The following RASSF5 variants were observed in gnomAD, a reference collection of about 807,000 sequenced individuals.
RASSF5 encodes ras association domain-containing protein 5.
RASSF5 carries 25 observed loss-of-function variants against 40.5 expected under a neutral mutation model. That is an observed-to-expected ratio of 0.62 (90% CI 0.45 to 0.86). RASSF5 has a LOEUF of 0.86. RASSF5 is among the 40% of genes least tolerant of loss of function. The pLI is 0.00. For synonymous variants in RASSF5, 246 were observed against 252.4 expected (o/e 0.97, Z 0.24); for missense variants, 521 against 572.8 (o/e 0.91, Z 0.92).
intron 2 of RASSF5, among the ~76,000 whole-genome samples, chr1:206,557,980 G>A (rs541584455): frequency 7.2e-5 from 11 of 152,316 alleles, no homozygotes; most frequent in African/African-American, 2.6e-4. Flanking sequence ...GTTCACCTGT[G>A]CCTGAGTGCA....
chr1:206,545,356 T>G (rs370627926), intron 2 of RASSF5, among the ~76,000 whole-genome samples: 1,545 of 151,614 alleles, frequency 0.01, 30 homozygotes, highest in African/African-American at 0.036. Flanking sequence ...TTTTTTTTTT[T>G]TTTTTTTTTA....
chr1:206,554,867 G>A (rs1157769377), intron 2 of RASSF5, among the ~76,000 whole-genome samples: 16 of 152,192 alleles, frequency 1.1e-4, no homozygotes, highest in Admixed American at 1.0e-3. Context: ...GTCCCTGCCA[G>A]CACAGTCTCT....
chr1:206,529,215 C>G, intron 1 of RASSF5: 1 of 1,396,850 alleles, frequency 7.2e-7, no homozygotes, highest in Non-Finnish European at 9.9e-7. Context: ...CAAGTACAGA[C>G]CAGAAACAAA....
intron 2 of RASSF5, among the ~76,000 whole-genome samples, chr1:206,563,272 C>T (rs1668197199): frequency 6.6e-6 from 1 of 152,140 alleles, no homozygotes; most frequent in Non-Finnish European, 1.5e-5. Flanking sequence ...TTGTGGTGAG[C>T]ATTTAGCTGT....
chr1:206,585,024 G>T lies in RASSF5; in HGVS notation c.989-156G>T, dbSNP rs574545285. The T allele has an allele frequency of 1.1e-4, 73 of 659,718 alleles. No homozygotes were observed. The South Asian group carries it at 1.2e-3, about 11-fold the overall frequency. The allele number at this position is 659,718 out of a possible 1,614,324, so 40.9% of individuals were successfully genotyped here. On this transcript the variant is annotated intron_variant, in intron 4 of 5. Transcript: ENST00000579436. ...CAGACACCCAAGATAAAAGGTTATT[G>T]CCCTGTTCATTACTGTCATGTTCAT...
intron 2 of RASSF5, among the ~76,000 whole-genome samples, chr1:206,574,218 A>G (rs1364304990): frequency 1.3e-5 from 2 of 152,192 alleles, no homozygotes; most frequent in Non-Finnish European, 2.9e-5. Flanking sequence ...CATGCTGGCA[A>G]CCTGAGGAGT....
chr1:206,549,370 T>C (rs1316739676), intron 2 of RASSF5, among the ~76,000 whole-genome samples: 13 of 152,240 alleles, frequency 8.5e-5, no homozygotes, highest in African/African-American at 3.1e-4. Flanking sequence ...CATATACTTA[T>C]TCAGACATTT....
intron 2 of RASSF5, among the ~76,000 whole-genome samples, chr1:206,553,327 A>G (rs1667896383): frequency 6.6e-6 from 1 of 152,236 alleles, no homozygotes; most frequent in Non-Finnish European, 1.5e-5. Context: ...GGAAGTTGTT[A>G]TGGTACCATG....
intron 2 of RASSF5, among the ~76,000 whole-genome samples, chr1:206,577,529 AT>A (rs1467249488): frequency 6.6e-6 from 1 of 152,190 alleles, no homozygotes; most frequent in Non-Finnish European, 1.5e-5. Context: ...AGGCTTAGAG[AT>A]TATCTGACTT....
At chr1:206,559,474 G>T (rs1668080009) in intron 2 of RASSF5, among the ~76,000 whole-genome samples, 1 of 152,186 alleles carries the variant, frequency 6.6e-6, no homozygotes, top group African/African-American at 2.4e-5. Flanking sequence ...CTTGCTCCAT[G>T]GCCTGAACAG....
At chr1:206,519,457 G>A (rs186384893) in intron 1 of RASSF5, among the ~76,000 whole-genome samples, 253 of 152,282 alleles carry the variant, frequency 1.7e-3, no homozygotes, top group Middle Eastern at 0.014. Flanking sequence ...CTGGTGTGGT[G>A]GGAATGGGAA....
Position 206,507,667 on chromosome 1 carries a change from C to T in RASSF5, c.65C>T (p.Pro22Leu), listed in dbSNP as rs1666489052. Residue 22 changes from proline to leucine, a missense_variant, in exon 1 of 6, where the codon CCG becomes CTG. Physicochemically the swap from Pro to Leu is moderately conservative, Grantham distance 98 (BLOSUM62 -3). Transcript: ENST00000579436. ...CCGCTACTATTGGACCCCGAGCCGC[C>T]GCGCTATCTACAGAGCCTGAGCGGC... Reference protein sequence around the residue: ...PYPLLLDPEPPRYLQSLSGPE... With the variant: ...PYPLLLDPEPLRYLQSLSGPE... The T allele has an allele frequency of 1.3e-6, 2 of 1,526,264 alleles. No homozygotes were observed. The allele number at this position is 1,526,264 out of a possible 1,614,324, so 94.5% of individuals were successfully genotyped here. A position where few individuals can be genotyped will look rare whatever the true frequency, so the allele number is the denominator to read the frequency against.
intron 1 of RASSF5, among the ~76,000 whole-genome samples, chr1:206,523,502 T>TACAA (rs1553396457): frequency 3.9e-4 from 7 of 18,020 alleles, no homozygotes; most frequent in South Asian, 7.9e-3. Flanking sequence ...ATATTATATA[T>TACAA]TTTATATATT....
At chr1:206,568,064 C>A (rs146579848) in intron 2 of RASSF5, among the ~76,000 whole-genome samples, 27 of 152,244 alleles carry the variant, frequency 1.8e-4, no homozygotes, top group Non-Finnish European at 2.9e-4. Context: ...CTTGACCTCA[C>A]AAAGGATGCC....
chr1:206,576,554 G>A (rs1668666071), intron 2 of RASSF5, among the ~76,000 whole-genome samples: 1 of 152,214 alleles, frequency 6.6e-6, no homozygotes, highest in South Asian at 2.1e-4. Context: ...GGAAACATAG[G>A]AAGTATGATT....
At chr1:206,553,372 A>G (rs1553401286) in intron 2 of RASSF5, among the ~76,000 whole-genome samples, 1 of 152,212 alleles carries the variant, frequency 6.6e-6, no homozygotes, top group African/African-American at 2.4e-5. Context: ...AACTGTGGCA[A>G]TAAAAAGGTA....
At chr1:206,566,135 T>C (rs1668283323) in intron 2 of RASSF5, among the ~76,000 whole-genome samples, 1 of 152,124 alleles carries the variant, frequency 6.6e-6, no homozygotes, top group Admixed American at 6.5e-5. Flanking sequence ...AGTTGACACA[T>C]TCTATGAGGT....
chr1:206,571,133 G>C (rs1553404130), intron 2 of RASSF5, among the ~76,000 whole-genome samples: 3 of 152,098 alleles, frequency 2.0e-5, no homozygotes, highest in African/African-American at 7.2e-5. Context: ...TAAGCATCCT[G>C]ATATGCATGA....
intron 1 of RASSF5, among the ~76,000 whole-genome samples, chr1:206,511,861 C>T (rs1055564384): frequency 1.3e-5 from 2 of 152,126 alleles, no homozygotes; most frequent in African/African-American, 4.8e-5. Context: ...GCGTGACAGC[C>T]CCCGATCCTG....
Sources: gnomAD v4.1 joint callset for allele counts (sites outside exome capture counted in the v4.1 genomes callset) on GRCh38, gnomAD v4.1.1 for gene constraint, MANE v1.5 for transcripts, NCBI Gene and HGNC (gene_info 2026-07-23, HGNC 2026-07-21) for gene names.